WDR26: variants seen among roughly 807,000 people sequenced by gnomAD.
WDR26 encodes WD repeat-containing protein 26.
WDR26 carries 5 observed loss-of-function variants against 84.1 expected under a neutral mutation model. The ratio of observed to expected loss-of-function variants is 0.06; its 90% confidence interval spans 0.03 to 0.13. The LOEUF (loss-of-function observed/expected upper bound fraction) is 0.13, where lower values mean the gene tolerates loss of function less well. Ranked by LOEUF, WDR26 falls within the 10% of genes least tolerant of loss-of-function variation. WDR26 has a pLI of 1.00. For synonymous variants in WDR26, 415 were observed against 389.6 expected (o/e 1.07, Z -0.77); for missense variants, 642 against 974.9 (o/e 0.66, Z 4.55).
chr1:224,431,825 G>T, intron 1 of WDR26, 44 bp from the exon 2 acceptor site: 1 of 1,469,020 alleles, frequency 6.8e-7, no homozygotes, highest in African/African-American at 1.4e-5. Flanking sequence ...CCAATTTTAG[G>T]GTTTTAATCC....
intron 7 of WDR26, among the ~76,000 whole-genome samples, chr1:224,405,706 T>C (rs547706277): frequency 6.6e-6 from 1 of 152,354 alleles, no homozygotes; most frequent in South Asian, 2.1e-4. Context: ...GATTTGAATC[T>C]GGGCTGCCTC....
At chr1:224,418,503 G>C in intron 5 of WDR26, 87 bp from the exon 6 acceptor site, 2 of 1,269,954 alleles carry the variant, frequency 1.6e-6, no homozygotes, top group Middle Eastern at 2.8e-4. Flanking sequence ...TGCTGTACTT[G>C]TTCCTACCCC....
rs972996917 is a variant in WDR26 at position 224,434,249 on chromosome 1, G to A, written c.157C>T (p.Pro53Ser). The change falls in exon 1 of 14, where the codon CCT (proline) becomes TCT (serine). Residue 53 changes from proline (P) to serine (S), a missense_variant. Around this residue, in one of 2 missense-constraint regions of WDR26, gnomAD observed 291 missense variants for 302.1 expected, o/e 0.96. Coordinates refer to ENST00000414423, the MANE Select transcript of WDR26 (RefSeq NM_001379403.1). The stretch of plus-strand genomic sequence containing the variant: ...GAGGACGAGGACGACGAGGACGGAG[G>A]GGAGAGGCCTGCTCTGCCTGCCGAA... 1.3e-4 allele frequency: 180 copies of A among 1,365,634 alleles called. No homozygotes were observed. Among genetic ancestry groups the A allele is most frequent in the Non-Finnish European group, 1.6e-4 (169 of 1,062,830 alleles). The allele number at this position is 1,365,634 out of a possible 1,614,324, so 84.6% of individuals were successfully genotyped here. A position where few individuals can be genotyped will look rare whatever the true frequency, so the allele number is the denominator to read the frequency against.
intron 7 of WDR26, among the ~76,000 whole-genome samples, chr1:224,410,541 C>CAT (rs1298962095): frequency 6.6e-6 from 1 of 151,830 alleles, no homozygotes; most frequent in Non-Finnish European, 1.5e-5. Flanking sequence ...AAATACTTTT[C>CAT]ATATATATCA....
At chr1:224,401,795 A>AATAT (rs1558421503) in intron 8 of WDR26, among the ~76,000 whole-genome samples, 2 of 151,918 alleles carry the variant, frequency 1.3e-5, no homozygotes, top group African/African-American at 4.8e-5. Flanking sequence ...AAATGCTCAC[A>AATAT]ATATAGTAGG....
chr1:224,391,576 G>C (rs1004663147), intron 13 of WDR26, among the ~76,000 whole-genome samples: 5 of 152,092 alleles, frequency 3.3e-5, no homozygotes, highest in African/African-American at 1.2e-4. Flanking sequence ...ACCTAGGCTG[G>C]AGTGCAGTGG....
rs1335487396 is a variant in WDR26, at chr1:224,407,151, A to AATATATAT, written c.1459-2589_1459-2582dup. On this transcript the variant is annotated intron_variant, in intron 7 of 13. Transcript: ENST00000414423. ...AAAAAAAAAAAAAAAAAAAAAAAAAAATATATATATATATATATATAACTC... is the reference window on the plus strand; with the variant it reads ...AAAAAAAAAAAAAAAAAAAAAAAAAAATATATATATATATATATATATATATATAACTC... Among the ~76,000 whole-genome samples, 113 of 11,864 alleles carry AATATATAT rather than the reference A, an allele frequency of 9.5e-3. 5 individuals are homozygous for AATATATAT. The highest frequency in any genetic ancestry group is 0.071 in the Middle Eastern group (1 of 14). The allele number at this position is 11,864 out of a possible 152,430, so 7.8% of individuals were successfully genotyped here.
intron 3 of WDR26, among the ~76,000 whole-genome samples, chr1:224,426,007 G>A (rs1342305093): frequency 2.0e-5 from 3 of 151,930 alleles, no homozygotes; most frequent in South Asian, 4.2e-4. Context: ...ACAGGCACCC[G>A]CCACCACACC....
chr1:224,434,214 G>T lies in WDR26; in HGVS notation c.192C>A (p.Ser64=). 1 of 1,398,144 alleles carries T rather than the reference G, an allele frequency of 7.2e-7. No homozygotes were observed. The highest frequency in any genetic ancestry group is 1.7e-5 in the South Asian group (1 of 59,022). 86.6% of individuals were successfully genotyped at this position (1,398,144 alleles called of 1,614,324 possible). Residue 64 remains serine (S), a synonymous_variant, in exon 1 of 14, where the codon TCC becomes TCA. Transcript: ENST00000414423. The stretch of plus-strand genomic sequence containing the variant: ...CCACCACTACCACCACGGAGGAGGA[G>T]GAGGAGGAGGAGGACGAGGACGACG...
Position 224,411,513 on chromosome 1 carries a change from C to G in WDR26, c.1372G>C (p.Val458Leu). ...TCATTAGAGAATTTACAGAACCACA[C>G]TTCATTACAATGCTCCGTAAGTATC... is the stretch of plus-strand genomic sequence containing the variant. Residue 458 changes from valine (V) to leucine (L), a missense_variant, in exon 7 of 14, where the codon GTG (valine) becomes CTG (leucine). Transcript: ENST00000414423. 6.2e-7 allele frequency: 1 copy of G among 1,613,366 alleles called. No individual in the cohort carries two copies. The highest frequency in any genetic ancestry group is 8.5e-7 in the Non-Finnish European group (1 of 1,179,682).
At chr1:224,411,750 T>C (rs1471226969) in intron 6 of WDR26, among the ~76,000 whole-genome samples, 185 bp from the exon 7 acceptor site, 3 of 151,880 alleles carry the variant, frequency 2.0e-5, no homozygotes, top group Non-Finnish European at 2.9e-5. Context: ...CCAGGCTCTG[T>C]ACTGTTGTAC....
chr1:224,424,095 G>C (rs963127742), intron 4 of WDR26, among the ~76,000 whole-genome samples: 5 of 152,106 alleles, frequency 3.3e-5, no homozygotes, highest in African/African-American at 7.2e-5. Flanking sequence ...GATTAAATGA[G>C]GCTGTTTATG....
At position 224,418,413 on chromosome 1, in the gene WDR26, T is replaced by C. The variant is rs1673967663; in HGVS notation, c.1166A>G (p.Tyr389Cys). The stretch of plus-strand genomic sequence containing the variant: ...GGGAAGCATCACTGATGGTGGTAAA[T>C]AGGCTTTAATAGAAGATATTTTAAA... Residue 389 changes from tyrosine (Y) to cysteine (C), a missense_variant, in exon 6 of 14, where the codon TAT (tyrosine) becomes TGT (cysteine). By Grantham distance (194) the Tyr-to-Cys change is radical. Around this residue, in one of 2 missense-constraint regions of WDR26, gnomAD observed 351 missense variants for 672.8 expected, o/e 0.52. Transcript: ENST00000414423. 2 of 1,588,234 alleles carry C rather than the reference T, an allele frequency of 1.3e-6. No individual in the cohort carries two copies. Among genetic ancestry groups the C allele is most frequent in the East Asian group, 2.2e-5 (1 of 44,748 alleles).
chr1:224,424,986 G>C (rs1342358869), intron 3 of WDR26, among the ~76,000 whole-genome samples: 1 of 152,118 alleles, frequency 6.6e-6, no homozygotes, highest in African/African-American at 2.4e-5. Context: ...TAAAAATTTA[G>C]AACTATTCCA....
At chr1:224,412,772 G>A (rs1673774798) in intron 6 of WDR26, 1 of 152,216 alleles carries the variant, frequency 6.6e-6, no homozygotes, top group African/African-American at 2.4e-5. Flanking sequence ...CCAGTAAGCT[G>A]GAGGAACTTG....
rs1232306678 is a variant in WDR26, at chr1:224,424,595, G to A, written c.987C>T (p.Val329=). The A allele has an allele frequency of 3.7e-6, 6 of 1,614,140 alleles. No homozygotes were observed. Among genetic ancestry groups the A allele is most frequent in the Non-Finnish European group, 5.1e-6 (6 of 1,180,020 alleles). ...AGCGTAGAACTTGAAGTGCCTCCAG[G>A]ACCTTGCCATCCTCCAGGTATTCTA... Residue 329 remains valine (V), a synonymous_variant, in exon 4 of 14, where the codon GTC becomes GTT. Coordinates refer to ENST00000414423, the MANE Select transcript of WDR26 (RefSeq NM_001379403.1).
intron 13 of WDR26, among the ~76,000 whole-genome samples, chr1:224,391,379 A>AC (rs1558412338): frequency 2.8e-4 from 30 of 106,888 alleles, no homozygotes; most frequent in African/African-American, 1.0e-3. Context: ...AAAAAAAAAA[A>AC]AAAACAAAAA....
At chr1:224,430,048 A>T (rs1674340725) in intron 3 of WDR26, 1 of 152,196 alleles carries the variant, frequency 6.6e-6, no homozygotes, top group Admixed American at 6.5e-5. Context: ...AAGCAACCTT[A>T]ATTCTTCTTT....
intron 6 of WDR26, among the ~76,000 whole-genome samples, chr1:224,416,819 C>T (rs1457343601): frequency 6.6e-6 from 1 of 152,160 alleles, no homozygotes. Flanking sequence ...CTCAAATCTG[C>T]GAATGGAGCT....
Sources: gnomAD v4.1 joint callset for allele counts (sites outside exome capture counted in the v4.1 genomes callset) on GRCh38, gnomAD v4.1.1 for gene constraint, gnomAD v4.1.1 regional missense constraint, MANE v1.5 for transcripts, NCBI Gene and HGNC (gene_info 2026-07-23, HGNC 2026-07-21) for gene names.